Variants in UBE2W observed in about 807,000 individuals in gnomAD.
UBE2W encodes ubiquitin-conjugating enzyme E2 W.
Under a neutral mutation model 27.2 loss-of-function variants are expected in UBE2W, and 18 were observed. The ratio of observed to expected loss-of-function variants is 0.66; its 90% CI spans 0.46 to 0.98. The LOEUF is 0.98. Ranked by LOEUF, UBE2W falls within the 50% of genes least tolerant of loss-of-function variation. The probability of loss-of-function intolerance (pLI) is 0.00; values close to 1 mark genes in which losing one functional copy is unlikely to be tolerated. For missense variants in UBE2W, 90 were observed against 180.2 expected (o/e 0.50, Z 2.87); for synonymous variants, 53 against 57.2 (o/e 0.93, Z 0.33).
chr8:73,844,772 T>C (rs986130971), intron 1 of UBE2W, among the ~76,000 whole-genome samples: 2 of 147,362 alleles, frequency 1.4e-5, no homozygotes, highest in Admixed American at 6.7e-5. Context: ...CCATCTGAGA[T>C]GTGAAGAGAG....
chr8:73,862,529 T>C (rs1811572684), intron 1 of UBE2W, among the ~76,000 whole-genome samples: 3 of 151,414 alleles, frequency 2.0e-5, no homozygotes, highest in East Asian at 3.9e-4. Flanking sequence ...AAGGACTTCA[T>C]GTCCAAAACA....
chr8:73,791,586 A>G lies in UBE2W; in HGVS notation c.*2516T>C, dbSNP rs1216935845. 7 of 985,128 alleles carry G rather than the reference A, an allele frequency of 7.1e-6. No homozygotes were observed. Among genetic ancestry groups the G allele is most frequent in the Non-Finnish European group, 8.4e-6 (7 of 829,778 alleles). The allele number at this position is 985,128 out of a possible 1,614,324, so 61.0% of individuals were successfully genotyped here. On this transcript the variant is annotated 3_prime_UTR_variant, in exon 6 of 6. Transcript: ENST00000602593. ...AATATTCTTTTTATTATTACAAGCC[A>G]TTAATTGCTCTCTGTAGAGCAATGA...
At chr8:73,861,078 C>T (rs535819062) in intron 1 of UBE2W, among the ~76,000 whole-genome samples, 4 of 152,214 alleles carry the variant, frequency 2.6e-5, no homozygotes, top group Non-Finnish European at 4.4e-5. Context: ...ACAGTTGTAT[C>T]ACTGCATTCC....
intron 1 of UBE2W, among the ~76,000 whole-genome samples, chr8:73,865,215 G>C (rs1021701674): frequency 3.9e-5 from 5 of 127,476 alleles, no homozygotes; most frequent in African/African-American, 1.8e-4. Context: ...AAAGCACTGC[G>C]AGTATCAATT....
chr8:73,873,551 GAGTCTGA>G (rs1812094750), intron 1 of UBE2W, among the ~76,000 whole-genome samples: 1 of 152,134 alleles, frequency 6.6e-6, no homozygotes, highest in African/African-American at 2.4e-5. Flanking sequence ...AGCTGCTTGG[GAGTCTGA>G]AGTGGGAGGA....
chr8:73,790,476 T>G lies in UBE2W; in HGVS notation c.*3626A>C. 1.0e-6 allele frequency: 1 copy of G among 985,162 alleles called. No individual in the cohort carries two copies. The highest frequency in any genetic ancestry group is 6.1e-5 in the Admixed American group (1 of 16,278). 61.0% of individuals were successfully genotyped at this position (985,162 alleles called of 1,614,324 possible). ...AAAGAAGAATATGGTTAAGCTTCAG[T>G]TCTTTTTGAAAAGCAATTTACATAC... On this transcript the variant is annotated 3_prime_UTR_variant, in exon 6 of 6. Coordinates refer to ENST00000602593, the MANE Select transcript of UBE2W (RefSeq NM_018299.6).
In UBE2W at chr8:73,789,216, A is replaced by G; in HGVS notation, c.*4886T>C. 1 of 977,614 alleles carries G rather than the reference A, an allele frequency of 1.0e-6. No individual in the cohort carries two copies. The highest frequency in any genetic ancestry group is 5.3e-4 in the Middle Eastern group (1 of 1,890). The allele number at this position is 977,614 out of a possible 1,614,324, so 60.6% of individuals were successfully genotyped here. The stretch of plus-strand genomic sequence containing the variant: ...CGAGGCATGGTGGCTTGCACCTGTA[A>G]TCCCAGCATTTTGGGAGGCTGAGGC... On this transcript the variant is annotated 3_prime_UTR_variant, in exon 6 of 6. Coordinates refer to ENST00000602593, the MANE Select transcript of UBE2W (RefSeq NM_018299.6).
chr8:73,874,538 C>CA (rs1233481987), intron 1 of UBE2W, among the ~76,000 whole-genome samples: 1 of 152,188 alleles, frequency 6.6e-6, no homozygotes, highest in Non-Finnish European at 1.5e-5. Context: ...GCTACACTTT[C>CA]AAAAATGTTT....
At chr8:73,856,357 A>ATTTTTT (rs34593904) in intron 1 of UBE2W, among the ~76,000 whole-genome samples, 54 of 89,360 alleles carry the variant, frequency 6.0e-4, no homozygotes, top group South Asian at 8.6e-4. Context: ...ACACTTATGA[A>ATTTTTT]TTTTTTTTTT....
chr8:73,844,800 CCCCGTCTGGGAACTGAGGAG>C (rs1810704668), intron 1 of UBE2W, among the ~76,000 whole-genome samples: 1 of 151,788 alleles, frequency 6.6e-6, no homozygotes, highest in Non-Finnish European at 1.5e-5. Context: ...CTGGCCGCGA[CCCCGTCTGGGAACTGAGGAG>C]TGTCTCTGCA....
At chr8:73,849,845 TAA>T (rs1162697511) in intron 1 of UBE2W, among the ~76,000 whole-genome samples, 1 of 152,006 alleles carries the variant, frequency 6.6e-6, no homozygotes, top group Admixed American at 6.6e-5. Flanking sequence ...GATACTAGGA[TAA>T]GTTTTAAGAA....
In UBE2W at chr8:73,786,703, AG is replaced by A; in HGVS notation, c.*7398del. The A allele has an allele frequency of 1.0e-6, 1 of 985,428 alleles. No homozygotes were observed. 61.0% of individuals were successfully genotyped at this position (985,428 alleles called of 1,614,324 possible). On this transcript the variant is annotated 3_prime_UTR_variant, in exon 6 of 6. Coordinates refer to ENST00000602593, the MANE Select transcript of UBE2W (RefSeq NM_018299.6). ...TTTGTGGACAGCTGAAGAGCAGCCT[AG>A]GGACACCAAGGCCAGGTAGTGAAAG...
chr8:73,848,997 T>C (rs1315498012), intron 1 of UBE2W, among the ~76,000 whole-genome samples: 2 of 152,008 alleles, frequency 1.3e-5, no homozygotes, highest in African/African-American at 2.4e-5. Flanking sequence ...ATTATGTGAG[T>C]TGGTTCACAA....
At chr8:73,796,434 A>G (rs1195278796) in intron 5 of UBE2W, among the ~76,000 whole-genome samples, 1 of 152,214 alleles carries the variant, frequency 6.6e-6, no homozygotes, top group African/African-American at 2.4e-5. Flanking sequence ...AAGACATACC[A>G]TCTTTGACAG....
chr8:73,840,292 G>A (rs1235016849), intron 1 of UBE2W, among the ~76,000 whole-genome samples: 5 of 152,100 alleles, frequency 3.3e-5, no homozygotes, highest in Admixed American at 6.5e-5. Context: ...TCCTGACCTC[G>A]TGATCCGCCT....
At chr8:73,808,197 TTAA>T (rs1327102068) in intron 4 of UBE2W, among the ~76,000 whole-genome samples, 1 of 152,188 alleles carries the variant, frequency 6.6e-6, no homozygotes, top group African/African-American at 2.4e-5. Context: ...TTTACCCGTT[TTAA>T]TAATAATAAA....
At chr8:73,812,005 T>C (rs1029929070) in intron 3 of UBE2W, among the ~76,000 whole-genome samples, 1 of 152,034 alleles carries the variant, frequency 6.6e-6, no homozygotes, top group Non-Finnish European at 1.5e-5. Flanking sequence ...AATGTTACAA[T>C]TTTACAAAGA....
chr8:73,780,561 T>C (rs1165194401), intron 4 of UBE2W: 1 of 447,348 alleles, frequency 2.2e-6, no homozygotes, highest in Non-Finnish European at 4.5e-6. Flanking sequence ...TGAGACAGTA[T>C]GTCACTCTAT....
At chr8:73,843,517 T>C (rs1366569705) in intron 1 of UBE2W, among the ~76,000 whole-genome samples, 1 of 152,036 alleles carries the variant, frequency 6.6e-6, no homozygotes, top group African/African-American at 2.4e-5. Context: ...GCACCTGTAG[T>C]CCTAGCTACT....
Sources: allele counts gnomAD v4.1 joint callset (sites outside exome capture counted in the v4.1 genomes callset), GRCh38; gene constraint gnomAD v4.1.1; transcripts MANE v1.5; gene names NCBI Gene and HGNC (gene_info 2026-07-23, HGNC 2026-07-21).